The following MSRB3 variants were observed in gnomAD, a reference collection of about 807,000 sequenced individuals.
MSRB3 encodes the protein methionine sulfoxide reductase B3, also known as methionine-R-sulfoxide reductase B3.
A neutral mutation model predicts 21.0 loss-of-function variants in MSRB3; 13 were observed. The observed-to-expected ratio is 0.62, with a 90% CI of 0.40 to 0.98. The LOEUF (loss-of-function observed/expected upper bound fraction) is 0.98, where lower values mean the gene tolerates loss of function less well. Ranked by LOEUF, MSRB3 falls within the 50% of genes least tolerant of loss-of-function variation. The pLI is 0.00. For synonymous variants in MSRB3, 87 were observed against 88.6 expected (o/e 0.98, Z 0.10); for missense variants, 199 against 230.3 (o/e 0.86, Z 0.88).
At position 65,289,039 on chromosome 12, in the gene MSRB3, CTG is replaced by C. The variant is rs1301763034; in HGVS notation, c.-52+10177_-52+10178del. On this transcript the variant is annotated intron_variant, in intron 1 of 6. Coordinates refer to ENST00000308259, the MANE Select transcript of MSRB3 (RefSeq NM_001031679.3). ...TTCAGAAATGAAATGTGAAAGATGCCTGTGAGACACACATTTCCTGTACTCAG... is the reference window on the plus strand; with the variant it reads ...TTCAGAAATGAAATGTGAAAGATGCCTGAGACACACATTTCCTGTACTCAG... Among the ~76,000 whole-genome samples, 3 of 152,110 alleles carry C rather than the reference CTG, an allele frequency of 2.0e-5. No homozygotes were observed. The East Asian group carries it at 5.8e-4, about 29-fold the overall frequency.
At chr12:65,445,306 C>G (rs1267416430) in intron 5 of MSRB3, among the ~76,000 whole-genome samples, 1 of 151,662 alleles carries the variant, frequency 6.6e-6, no homozygotes, top group Non-Finnish European at 1.5e-5. Context: ...TTCCATGTTC[C>G]CTCTTATCCC....
At chr12:65,308,993 C>CA (rs1166239040) in intron 2 of MSRB3, 1 of 336,414 alleles carries the variant, frequency 3.0e-6, no homozygotes, top group Admixed American at 4.3e-5. Context: ...CCAAATCACA[C>CA]AAAATAGGAC....
intron 5 of MSRB3, among the ~76,000 whole-genome samples, chr12:65,377,035 C>T (rs1025389452): frequency 9.2e-5 from 14 of 152,196 alleles, no homozygotes; most frequent in Non-Finnish European, 2.9e-5. Context: ...CGTCCCCCGA[C>T]TACTCCATCT....
Position 65,328,587 on chromosome 12 carries a change from G to A in MSRB3, c.247G>A (p.Gly83Arg). The A allele has an allele frequency of 6.2e-7, 1 of 1,611,580 alleles. No individual in the cohort carries two copies. Among genetic ancestry groups the A allele is most frequent in the Non-Finnish European group, 8.5e-7 (1 of 1,177,964 alleles). The change falls in exon 4 of 7, where the codon GGA becomes AGA. Residue 83 changes from glycine (G) to arginine (R), a missense_variant. Gly to Arg is a moderately radical substitution (Grantham distance 125). Transcript: ENST00000308259. ...TGGAATATATAAATGTGTTGTTTGT[G>A]GAACTCCATTGTTTAAGTAAGTATG... ...DPGIYKCVVCGTPLFKSETKF... is the reference protein window; with the variant it reads ...DPGIYKCVVCRTPLFKSETKF...
rs1319337014 is a variant in MSRB3, at chr12:65,464,875, T to C, written c.*1553T>C. ...GTTTCATACTCAACATAATCTTCTG[T>C]GTGACAAAGGACAAGCCATGTAGCC... is the stretch of plus-strand genomic sequence containing the variant. On this transcript the variant is annotated 3_prime_UTR_variant, in exon 7 of 7. Coordinates refer to ENST00000308259, the MANE Select transcript of MSRB3 (RefSeq NM_001031679.3). The C allele has an allele frequency of 6.6e-6, 1 of 152,226 alleles. No individual in the cohort carries two copies. The highest frequency in any genetic ancestry group is 2.4e-5 in the African/African-American group (1 of 41,468). The allele number at this position is 152,226 out of a possible 1,614,324, so 9.4% of individuals were successfully genotyped here. A position where few individuals can be genotyped will look rare whatever the true frequency, so the allele number is the denominator to read the frequency against.
At chr12:65,428,695 C>A (rs1494512) in intron 5 of MSRB3, among the ~76,000 whole-genome samples, 78,288 of 151,790 alleles carry the variant, frequency 0.52, 21,040 homozygotes, top group Non-Finnish European at 0.62. Flanking sequence ...ATGAAATATC[C>A]CTCCCTTTGC....
At chr12:65,375,813 A>G (rs185315434) in intron 5 of MSRB3, among the ~76,000 whole-genome samples, 11 of 150,912 alleles carry the variant, frequency 7.3e-5, no homozygotes, top group African/African-American at 2.4e-4. Flanking sequence ...TTTTTTTTTT[A>G]AATTTCCAAA....
chr12:65,337,250 A>C (rs1254573916), intron 4 of MSRB3, among the ~76,000 whole-genome samples: 3 of 149,890 alleles, frequency 2.0e-5, no homozygotes, highest in Admixed American at 6.6e-5. Flanking sequence ...CTCAAAAAAA[A>C]CAAAAAACAA....
At chr12:65,449,994 G>A (rs1882785543) in intron 5 of MSRB3, among the ~76,000 whole-genome samples, 3 of 152,112 alleles carry the variant, frequency 2.0e-5, no homozygotes, top group African/African-American at 7.2e-5. Flanking sequence ...TTTAGAATTT[G>A]TCAACAGAAT....
intron 5 of MSRB3, among the ~76,000 whole-genome samples, chr12:65,406,571 A>C (rs575446790): frequency 1.3e-5 from 2 of 152,360 alleles, no homozygotes; most frequent in South Asian, 2.1e-4. Flanking sequence ...CATTTTTCAC[A>C]GAAATAGAAA....
At chr12:65,395,851 A>T (rs961346386) in intron 5 of MSRB3, among the ~76,000 whole-genome samples, 3 of 151,924 alleles carry the variant, frequency 2.0e-5, no homozygotes, top group Non-Finnish European at 2.9e-5. Context: ...AATAGTGATG[A>T]CCTCTTTTTC....
intron 5 of MSRB3, chr12:65,419,870 G>A: frequency 3.0e-6 from 2 of 672,724 alleles, no homozygotes; most frequent in East Asian, 3.0e-5. Context: ...AGCTGGTGGA[G>A]CAGGACATGG....
chr12:65,326,987 G>A, intron 3 of MSRB3, 53 bp downstream of exon 3: 5 of 1,291,878 alleles, frequency 3.9e-6, no homozygotes, highest in Non-Finnish European at 5.6e-6. Flanking sequence ...TTCTCCCCCT[G>A]CCCTCTGCAG....
intron 2 of MSRB3, among the ~76,000 whole-genome samples, chr12:65,323,176 C>T (rs1874796708): frequency 6.6e-6 from 1 of 152,168 alleles, no homozygotes; most frequent in Non-Finnish European, 1.5e-5. Context: ...AGGTGACTTG[C>T]TTCAGGTCAC....
chr12:65,420,008 G>C (rs199727039), intron 5 of MSRB3: 4 of 560,286 alleles, frequency 7.1e-6, no homozygotes, highest in South Asian at 1.4e-5. Context: ...AAGGTGGAGC[G>C]AGTGGTGAAG....
intron 1 of MSRB3, among the ~76,000 whole-genome samples, chr12:65,304,947 A>T (rs1364041935): frequency 6.6e-6 from 1 of 152,224 alleles, no homozygotes; most frequent in Non-Finnish European, 1.5e-5. Flanking sequence ...AAAGAATTTA[A>T]AGAAAAAGTT....
At chr12:65,284,690 A>G (rs1346634459) in intron 1 of MSRB3, 4 of 152,218 alleles carry the variant, frequency 2.6e-5, no homozygotes, top group Non-Finnish European at 5.9e-5. Context: ...AGCTGGAGTA[A>G]AAGGAAGGGT....
At chr12:65,346,841 G>A (rs1434460563) in intron 4 of MSRB3, among the ~76,000 whole-genome samples, 1 of 152,070 alleles carries the variant, frequency 6.6e-6, no homozygotes, top group Non-Finnish European at 1.5e-5. Context: ...ATTAAATAGG[G>A]AATCCTTTCC....
At chr12:65,447,083 T>C (rs563103378) in intron 5 of MSRB3, among the ~76,000 whole-genome samples, 8 of 152,268 alleles carry the variant, frequency 5.3e-5, no homozygotes, top group African/African-American at 1.4e-4. Flanking sequence ...CCATTCCCCA[T>C]TGAGGTATTC....
Sources: gnomAD v4.1 joint callset for allele counts (sites outside exome capture counted in the v4.1 genomes callset) on GRCh38, gnomAD v4.1.1 for gene constraint, MANE v1.5 for transcripts, NCBI Gene and HGNC (gene_info 2026-07-23, HGNC 2026-07-21) for gene names.